The following ATP8B1 variants were observed in gnomAD, a reference collection of about 807,000 sequenced individuals.
ATP8B1 encodes the protein phospholipid-transporting ATPase IC.
ATP8B1 carries 80 observed loss-of-function variants against 149.9 expected under a neutral mutation model. The ratio of observed to expected loss-of-function variants is 0.53; its 90% confidence interval spans 0.45 to 0.64. The LOEUF is 0.64. Ranked by LOEUF, ATP8B1 falls within the 30% of genes least tolerant of loss-of-function variation. The pLI, the probability that ATP8B1 is intolerant of heterozygous loss-of-function variation, is 0.00. For synonymous variants in ATP8B1, 536 were observed against 562.8 expected (o/e 0.95, Z 0.67); for missense variants, 1,247 against 1,552.6 (o/e 0.80, Z 3.31).
chr18:57,675,513 T>G (rs571570271), intron 15 of ATP8B1, among the ~76,000 whole-genome samples: 1 of 152,342 alleles, frequency 6.6e-6, no homozygotes, highest in South Asian at 2.1e-4. Context: ...TTTTTTACTC[T>G]CAAAAAGTCA....
chr18:57,773,053 A>T (rs2080276723), intron 1 of ATP8B1, among the ~76,000 whole-genome samples: 2 of 152,068 alleles, frequency 1.3e-5, no homozygotes, highest in Admixed American at 1.3e-4. Flanking sequence ...AAATACAAAA[A>T]TTAGCTGGGT....
intron 1 of ATP8B1, among the ~76,000 whole-genome samples, chr18:57,798,220 G>C (rs1219580983): frequency 6.6e-6 from 1 of 152,102 alleles, no homozygotes; most frequent in Non-Finnish European, 1.5e-5. Flanking sequence ...AAGCCACAGG[G>C]TTCAGAAACT....
chr18:57,793,005 T>C (rs2080478872), intron 1 of ATP8B1, among the ~76,000 whole-genome samples: 1 of 152,120 alleles, frequency 6.6e-6, no homozygotes, highest in Admixed American at 6.6e-5. Context: ...CAATGTTCTT[T>C]CCCCCAAACT....
Position 57,784,815 on chromosome 18 carries a change from T to C in ATP8B1, c.-26+18183A>G, listed in dbSNP as rs1332932668. 1.3e-5 allele frequency among the ~76,000 whole-genome samples: 2 copies of C among 152,168 alleles called. No homozygotes were observed. Among genetic ancestry groups the C allele is most frequent in the Non-Finnish European group, 1.5e-5 (1 of 68,030 alleles). On this transcript the variant is annotated intron_variant, in intron 1 of 27. Transcript: ENST00000648908. The surrounding 1 kb of genome is among the most constrained non-coding windows in gnomAD (Gnocchi z 4.4). ...CGTTTTGGGTAAGATACTTCTTTGT[T>C]GTAGAGGCTGAGCTGCATATTGTAG...
At chr18:57,771,799 G>T (rs1341147430) in intron 1 of ATP8B1, among the ~76,000 whole-genome samples, 1 of 152,084 alleles carries the variant, frequency 6.6e-6, no homozygotes, top group Non-Finnish European at 1.5e-5. Context: ...TAGCAGTGCT[G>T]TCAGAACAAC....
intron 2 of ATP8B1, among the ~76,000 whole-genome samples, chr18:57,713,743 A>G (rs61181596): frequency 8.7e-5 from 5 of 57,262 alleles, no homozygotes; most frequent in South Asian, 6.5e-4. Context: ...ACCCACCTTG[A>G]CCTCCCAACA....
At chr18:57,648,820 C>G (rs939401767) in intron 27 of ATP8B1, 108 bp from the exon 28 acceptor site, 2 of 1,073,218 alleles carry the variant, frequency 1.9e-6, no homozygotes, top group Admixed American at 2.1e-5. Flanking sequence ...CTGACACCTG[C>G]CCCATTTTGA....
At position 57,727,980 on chromosome 18, in the gene ATP8B1, C is replaced by G. The variant is rs527352662; in HGVS notation, c.181+3647G>C. Among the ~76,000 whole-genome samples, 202 of 152,256 alleles carry G rather than the reference C, an allele frequency of 1.3e-3. 1 individual carries two copies. Among genetic ancestry groups the G allele is most frequent in the African/African-American group, 4.7e-3 (194 of 41,544 alleles). On this transcript the variant is annotated intron_variant, in intron 2 of 27. Transcript: ENST00000648908. ...AAGGGTAAAGTTACTCCACTCGAAC[C>G]TGTGGGCTTATCTTTCTCCATGGCA...
At chr18:57,672,928 AT>A (rs1568189404) in intron 16 of ATP8B1, among the ~76,000 whole-genome samples, 4,537 of 42,054 alleles carry the variant, frequency 0.11, 589 homozygotes, top group Non-Finnish European at 0.11. Flanking sequence ...ATATATATAT[AT>A]ATAACATGTA....
chr18:57,745,858 A>G lies in ATP8B1; in HGVS notation c.-25-14026T>C, dbSNP rs191002210. ...AAAATTTTTGTAAAGACGAGGTTTC[A>G]CTACATTGCCCAGGCTGATCCCAAA... On this transcript the variant is annotated intron_variant, in intron 1 of 27. Transcript: ENST00000648908. 3.9e-5 allele frequency among the ~76,000 whole-genome samples: 6 copies of G among 152,008 alleles called. No homozygotes were observed. In the East Asian group the frequency reaches 1.2e-3, roughly 29 times the overall value.
rs113056384 is a variant in ATP8B1, at chr18:57,703,424, G to T, written c.393+1131C>A. On this transcript the variant is annotated intron_variant, in intron 4 of 27. Transcript: ENST00000648908. The stretch of plus-strand genomic sequence containing the variant: ...GTCTCTACTAAAAATACAAAAATTA[G>T]CTGGGCGTGGTGGCTGGCAACTGTG... Among the ~76,000 whole-genome samples the T allele has an allele frequency of 5.8e-3, 882 of 152,080 alleles. 12 individuals are homozygous for T. The highest frequency in any genetic ancestry group is 0.027 in the Middle Eastern group (8 of 294).
intron 1 of ATP8B1, among the ~76,000 whole-genome samples, chr18:57,767,101 G>A (rs1435764466): frequency 2.6e-5 from 4 of 152,278 alleles, no homozygotes; most frequent in East Asian, 1.9e-4. Context: ...CAAAAAGGAC[G>A]TTGGAATCCT....
chr18:57,732,127 G>GTATA (rs1311001487), intron 1 of ATP8B1: 1 of 16,084 alleles, frequency 6.2e-5, no homozygotes, highest in African/African-American at 1.4e-4. Context: ...GTATATATAT[G>GTATA]TGTATATGTA....
At position 57,671,718 on chromosome 18, in the gene ATP8B1, G is replaced by C; in HGVS notation, c.1820-138C>G. 4.6e-6 allele frequency: 3 copies of C among 659,228 alleles called. No homozygotes were observed. In the South Asian group the frequency reaches 4.7e-5, roughly 10 times the overall value. 40.8% of individuals were successfully genotyped at this position (659,228 alleles called of 1,614,324 possible). A position where few individuals can be genotyped will look rare whatever the true frequency, so the allele number is the denominator to read the frequency against. ...GCTCACTGTAGCCTCGACCCCCCAG[G>C]CTCAAGCAATCCTCCCATCTCAGCC... On this transcript the variant is annotated intron_variant, in intron 16 of 27. Coordinates refer to ENST00000648908, the MANE Select transcript of ATP8B1 (RefSeq NM_001374385.1).
intron 13 of ATP8B1, among the ~76,000 whole-genome samples, chr18:57,686,605 G>A (rs1423636193): frequency 1.3e-5 from 2 of 152,170 alleles, no homozygotes; most frequent in Non-Finnish European, 2.9e-5. Context: ...ACTTTTAGTA[G>A]AGATGGGGTT....
chr18:57,699,874 C>T (rs927520713), intron 6 of ATP8B1, among the ~76,000 whole-genome samples: 10 of 152,124 alleles, frequency 6.6e-5, no homozygotes, highest in Admixed American at 4.6e-4. Flanking sequence ...TTAGCCTGTA[C>T]CATACCTACC....
At chr18:57,765,458 A>G (rs368114509) in intron 1 of ATP8B1, among the ~76,000 whole-genome samples, 1 of 152,168 alleles carries the variant, frequency 6.6e-6, no homozygotes, top group African/African-American at 2.4e-5. Context: ...TCACAAGGTC[A>G]GGAGTTCGAG....
At chr18:57,661,567 C>A (rs535004371) in intron 21 of ATP8B1, 105 bp from the exon 22 acceptor site, 18 of 1,237,470 alleles carry the variant, frequency 1.5e-5, no homozygotes, top group African/African-American at 3.0e-5. Flanking sequence ...GATTATGTCA[C>A]TGATTATATT....
At chr18:57,754,477 T>C (rs9964251) in intron 1 of ATP8B1, among the ~76,000 whole-genome samples, 40,338 of 151,576 alleles carry the variant, frequency 0.27, 5,966 homozygotes, top group African/African-American at 0.39. Flanking sequence ...GAAGTAATAT[T>C]GCTGTTCCTC....
Sources: gnomAD v4.1 joint callset for allele counts (sites outside exome capture counted in the v4.1 genomes callset) on GRCh38, gnomAD v4.1.1 for gene constraint, Gnocchi (gnomAD v3.1) non-coding constraint, MANE v1.5 for transcripts, NCBI Gene and HGNC (gene_info 2026-07-23, HGNC 2026-07-21) for gene names.